Variants in CCDC61 observed in about 807,000 individuals in gnomAD.
The protein encoded by CCDC61 is coiled-coil domain containing 61, also known as centrosomal protein CCDC61.
A neutral mutation model predicts 63.0 loss-of-function variants in CCDC61; 55 were observed. The observed-to-expected ratio is 0.87, with a 90% CI of 0.70 to 1.09. The LOEUF (loss-of-function observed/expected upper bound fraction) is 1.09, where lower values mean the gene tolerates loss of function less well. Ranked by LOEUF, CCDC61 falls within the 50% of genes least tolerant of loss-of-function variation. The pLI is 0.00. For missense variants in CCDC61, 651 were observed against 731.4 expected (o/e 0.89, Z 1.27); for synonymous variants, 270 against 317.0 (o/e 0.85, Z 1.58).
Position 46,015,834 on chromosome 19 carries a change from G to T in CCDC61, c.846-220G>T, listed in dbSNP as rs1189524986. Among the ~76,000 whole-genome samples the T allele has an allele frequency of 6.6e-6, 1 of 151,878 alleles. No homozygotes were observed. Among genetic ancestry groups the T allele is most frequent in the East Asian group, 1.9e-4 (1 of 5,156 alleles). ...GAAAGAAGGGTCTGTTGAAGGCGGT[G>T]TGTTGAAAGGATGTAGGGGAATGAC... On this transcript the variant is annotated intron_variant, in intron 7 of 13. Transcript: ENST00000595358. This position sits in a 1 kb window ranked among gnomAD's most constrained non-coding sequence, Gnocchi z 5.3.
At chr19:46,006,866 G>A in intron 4 of CCDC61, 150 bp downstream of exon 4, 1 of 718,248 alleles carries the variant, frequency 1.4e-6, no homozygotes. Flanking sequence ...GTATCATTTA[G>A]TATTGTGTTT....
At position 46,018,420 on chromosome 19, in the gene CCDC61, A is replaced by G. The variant is rs1968998211; in HGVS notation, c.*33A>G. On this transcript the variant is annotated 3_prime_UTR_variant, in exon 14 of 14. Coordinates refer to ENST00000595358, the MANE Select transcript of CCDC61 (RefSeq NM_001267723.2). The surrounding 1 kb of genome is among the most constrained non-coding windows in gnomAD (Gnocchi z 4.2). ...AAGGGGTACTACCCCTCCATCCCCCACCCACTTGCTGGGTATGGTGTGGGG... is the reference window on the plus strand; with the variant it reads ...AAGGGGTACTACCCCTCCATCCCCCGCCCACTTGCTGGGTATGGTGTGGGG... The G allele has an allele frequency of 6.6e-7, 1 of 1,523,006 alleles. No individual in the cohort carries two copies. Among genetic ancestry groups the G allele is most frequent in the South Asian group, 1.2e-5 (1 of 83,094 alleles). The allele number at this position is 1,523,006 out of a possible 1,614,324, so 94.3% of individuals were successfully genotyped here.
rs1968988355 is a variant in CCDC61, at chr19:46,018,173, C to T, written c.1441+23C>T. On this transcript the variant is annotated intron_variant, in intron 13 of 13. Coordinates refer to ENST00000595358, the MANE Select transcript of CCDC61 (RefSeq NM_001267723.2). The surrounding 1 kb of genome is among the most constrained non-coding windows in gnomAD (Gnocchi z 4.2). ...AAGGTGAGCCTGGGACTCCACATCC[C>T]CTCTCCCAGCCCCAGGACCCGTTGG... 2 of 1,588,800 alleles carry T rather than the reference C, an allele frequency of 1.3e-6. No individual in the cohort carries two copies. The highest frequency in any genetic ancestry group is 4.6e-5 in the East Asian group (2 of 43,110).
chr19:46,009,042 G>C (rs1968773550), intron 5 of CCDC61, among the ~76,000 whole-genome samples: 1 of 152,150 alleles, frequency 6.6e-6, no homozygotes, highest in Non-Finnish European at 1.5e-5. Flanking sequence ...ATAACCACTT[G>C]AGTATATCAT....
intron 1 of CCDC61, among the ~76,000 whole-genome samples, chr19:46,002,359 T>A (rs1223582593): frequency 6.6e-6 from 1 of 152,040 alleles, no homozygotes; most frequent in South Asian, 2.1e-4. Flanking sequence ...TAATAATAAA[T>A]ATATAATGAG....
rs913654163 is a variant in CCDC61 at position 46,016,834 on chromosome 19, G to A, written c.1231+1G>A. On this transcript the variant is annotated splice_donor_variant, in intron 10 of 13. Transcript: ENST00000595358. LOFTEE classifies it high-confidence loss of function. This position sits in a 1 kb window ranked among gnomAD's most constrained non-coding sequence, Gnocchi z 7.2. ...CGCTCCCGAAACCGCAGCTCCTCAGGTAACTGGCCTGGAGCTGGGGGCTGC... is the reference window on the plus strand; with the variant it reads ...CGCTCCCGAAACCGCAGCTCCTCAGATAACTGGCCTGGAGCTGGGGGCTGC... 1.3e-5 allele frequency: 19 copies of A among 1,496,352 alleles called. No individual in the cohort carries two copies. In the Admixed American group the frequency reaches 1.7e-4, roughly 14 times the overall value. The allele number at this position is 1,496,352 out of a possible 1,614,324, so 92.7% of individuals were successfully genotyped here.
chr19:46,009,816 ATG>A lies in CCDC61; in HGVS notation c.551+1536_551+1537del, dbSNP rs761965873. ...CTGCTCTCAGGCTGTGTGTGTGTGT[ATG>A]TGTGTGTGTGTGTGTGTGTGCGCGC... On this transcript the variant is annotated intron_variant, in intron 5 of 13. Transcript: ENST00000595358. 4.4e-3 allele frequency among the ~76,000 whole-genome samples: 491 copies of A among 112,870 alleles called. 3 individuals carry two copies. The highest frequency in any genetic ancestry group is 0.016 in the African/African-American group (424 of 25,986). 74.0% of individuals were successfully genotyped at this position (112,870 alleles called of 152,430 possible). A position where few individuals can be genotyped will look rare whatever the true frequency, so the allele number is the denominator to read the frequency against.
In CCDC61 at chr19:46,018,025, A is replaced by G. The variant is rs1968983000; in HGVS notation, c.1369-53A>G. On this transcript the variant is annotated intron_variant, in intron 12 of 13. Coordinates refer to ENST00000595358, the MANE Select transcript of CCDC61 (RefSeq NM_001267723.2). This position sits in a 1 kb window ranked among gnomAD's most constrained non-coding sequence, Gnocchi z 4.2. ...AGGATTTCCAGTGGGATTTAGGGGG[A>G]CAGAAATAGAGGGACGGTGGGTGAC... 1 of 1,473,916 alleles carries G rather than the reference A, an allele frequency of 6.8e-7. No homozygotes were observed. Among genetic ancestry groups the G allele is most frequent in the Non-Finnish European group, 9.2e-7 (1 of 1,084,334 alleles). The allele number at this position is 1,473,916 out of a possible 1,614,324, so 91.3% of individuals were successfully genotyped here. A position where few individuals can be genotyped will look rare whatever the true frequency, so the allele number is the denominator to read the frequency against.
chr19:45,999,931 C>T (rs1470822872), intron 1 of CCDC61: 5 of 760,124 alleles, frequency 6.6e-6, no homozygotes, highest in Non-Finnish European at 8.0e-6. Context: ...GAAGGCACCG[C>T]TGGGATGCGT....
chr19:46,005,050 G>A (rs1039071575), intron 3 of CCDC61, among the ~76,000 whole-genome samples: 5 of 150,734 alleles, frequency 3.3e-5, no homozygotes, highest in African/African-American at 1.2e-4. Flanking sequence ...TATCTGTGTA[G>A]CCCAGGCTGG....
rs1968911124 is a variant in CCDC61 at position 46,015,435 on chromosome 19, CGAG to C, written c.845+10_845+12del. On this transcript the variant is annotated intron_variant, in intron 7 of 13. Transcript: ENST00000595358. This position sits in a 1 kb window ranked among gnomAD's most constrained non-coding sequence, Gnocchi z 5.3. ...GGCATTGTACAAGAGGGGGTGAGAG[CGAG>C]GCCTGCCAGGCGCCTGGGCGGATGG... 9 of 1,559,626 alleles carry C rather than the reference CGAG, an allele frequency of 5.8e-6. No individual in the cohort carries two copies. The highest frequency in any genetic ancestry group is 6.1e-6 in the Non-Finnish European group (7 of 1,153,578).
Position 46,016,758 on chromosome 19 carries a change from C to T in CCDC61, c.1156C>T (p.Arg386Cys). ...GGACGGTCCGTCCGTCTCCTGGTCT[C>T]GCCAGACCCAGCCCCCTGCTGCCTT... The part of the protein sequence containing the change: ...SGDGPSVSWS[R>C]QTQPPAALTG... Residue 386 changes from arginine to cysteine, a missense_variant, in exon 10 of 14, where the codon CGC (arginine) becomes TGC (cysteine). By Grantham distance (180) the Arg-to-Cys change is radical. Transcript: ENST00000595358. The surrounding 1 kb of genome is among the most constrained non-coding windows in gnomAD (Gnocchi z 7.2). The T allele has an allele frequency of 1.3e-6, 2 of 1,586,786 alleles. No homozygotes were observed. The highest frequency in any genetic ancestry group is 1.3e-5 in the African/African-American group (1 of 74,520).
chr19:46,008,234 C>A lies in CCDC61; in HGVS notation c.484C>A (p.Leu162Met). 1.2e-6 allele frequency: 2 copies of A among 1,609,068 alleles called. No individual in the cohort carries two copies. The highest frequency in any genetic ancestry group is 1.7e-6 in the Non-Finnish European group (2 of 1,177,110). The change falls in exon 5 of 14, where the codon CTG becomes ATG. Residue 162 changes from leucine (L) to methionine (M), a missense_variant. Physicochemically the swap from Leu to Met is conservative, Grantham distance 15 (BLOSUM62 2). Transcript: ENST00000595358. ...GTCACTGAAGGAGGAACTGGGCCGCCTGCAAGGGCTGGATGGCCAGAACAC... is the reference window on the plus strand; with the variant it reads ...GTCACTGAAGGAGGAACTGGGCCGCATGCAAGGGCTGGATGGCCAGAACAC... ...IRSLKEELGR[L>M]QGLDGQNTRD...
At chr19:46,017,363 C>T (rs1355207976) in intron 12 of CCDC61, 59 bp downstream of exon 12, 11 of 1,477,206 alleles carry the variant, frequency 7.4e-6, no homozygotes, top group East Asian at 7.4e-5. Context: ...TCCTGTGATT[C>T]CTTCCTGGGG....
intron 5 of CCDC61, among the ~76,000 whole-genome samples, chr19:46,012,582 G>C (rs1671789861): frequency 6.6e-6 from 1 of 152,074 alleles, no homozygotes. Context: ...AGGAGGCAGA[G>C]GTTGCAGTGA....
intron 3 of CCDC61, 64 bp from the exon 4 acceptor site, chr19:46,006,495 G>T: frequency 6.9e-7 from 1 of 1,446,720 alleles, no homozygotes. Context: ...CCAGGTGTGT[G>T]CTAGGTGCCC....
Position 46,016,693 on chromosome 19 carries a change from G to C in CCDC61, c.1092-1G>C, listed in dbSNP as rs1013610449. 1.2e-6 allele frequency: 2 copies of C among 1,611,978 alleles called. No homozygotes were observed. Among genetic ancestry groups the C allele is most frequent in the African/African-American group, 1.3e-5 (1 of 74,920 alleles). ...CCGGCGTCTCCTTTCTTTTTTCCCA[G>C]GCAGCAGCAGCGGAACCGCTTAGGC... On this transcript the variant is annotated splice_acceptor_variant, in intron 9 of 13. Coordinates refer to ENST00000595358, the MANE Select transcript of CCDC61 (RefSeq NM_001267723.2). LOFTEE classifies it high-confidence loss of function. The surrounding 1 kb of genome is among the most constrained non-coding windows in gnomAD (Gnocchi z 7.2).
chr19:46,016,135 C>T lies in CCDC61; in HGVS notation c.927C>T (p.Gly309=). 8.0e-7 allele frequency: 1 copy of T among 1,243,890 alleles called. No homozygotes were observed. The highest frequency in any genetic ancestry group is 3.2e-5 in the East Asian group (1 of 31,486). The allele number at this position is 1,243,890 out of a possible 1,614,324, so 77.1% of individuals were successfully genotyped here. ...SSSRERSASR[G]RGAARSSSRE... Reference sequence around the variant, plus strand: ...CCCGGGAGCGCTCCGCGTCGCGAGGCCGCGGCGCCGCGCGCTCCTCATCCC... The same window carrying T: ...CCCGGGAGCGCTCCGCGTCGCGAGGTCGCGGCGCCGCGCGCTCCTCATCCC... Residue 309 remains glycine, a synonymous_variant, in exon 8 of 14, where the codon GGC becomes GGT. Coordinates refer to ENST00000595358, the MANE Select transcript of CCDC61 (RefSeq NM_001267723.2). This position sits in a 1 kb window ranked among gnomAD's most constrained non-coding sequence, Gnocchi z 7.2.
Position 46,015,515 on chromosome 19 carries a change from C to T in CCDC61, c.845+88C>T, listed in dbSNP as rs1045482052. Reference sequence around the variant, plus strand: ...TGAGGCGGAGCCTAAGGGGGCGGGGCGGGGCCAGGTAGGGTGGAGGGGGCG... The same window carrying T: ...TGAGGCGGAGCCTAAGGGGGCGGGGTGGGGCCAGGTAGGGTGGAGGGGGCG... On this transcript the variant is annotated intron_variant, in intron 7 of 13. Transcript: ENST00000595358. The surrounding 1 kb of genome is among the most constrained non-coding windows in gnomAD (Gnocchi z 5.3). 132 of 25,490 alleles carry T rather than the reference C, an allele frequency of 5.2e-3. No individual in the cohort carries two copies. The highest frequency in any genetic ancestry group is 0.013 in the Middle Eastern group (1 of 76). 1.6% of individuals were successfully genotyped at this position (25,490 alleles called of 1,614,324 possible).
Sources: allele counts gnomAD v4.1 joint callset (sites outside exome capture counted in the v4.1 genomes callset), GRCh38; gene constraint gnomAD v4.1.1; non-coding constraint Gnocchi (gnomAD v3.1); transcripts MANE v1.5; gene names NCBI Gene and HGNC (gene_info 2026-07-23, HGNC 2026-07-21).